Variants in NOM1 observed in about 807,000 individuals in gnomAD.
NOM1 encodes the protein nucleolar MIF4G domain-containing protein 1.
In NOM1, 58 loss-of-function variants were observed where a neutral mutation model predicts 73.3. The ratio of observed to expected loss-of-function variants is 0.79; its 90% CI spans 0.64 to 0.99. The LOEUF (loss-of-function observed/expected upper bound fraction) is 0.99, where lower values mean the gene tolerates loss of function less well. Ranked by LOEUF, NOM1 falls within the 50% of genes least tolerant of loss-of-function variation. The probability of loss-of-function intolerance (pLI) is 0.00; values close to 1 mark genes in which losing one functional copy is unlikely to be tolerated. For synonymous variants in NOM1, 487 were observed against 446.8 expected, an observed-to-expected ratio of 1.09 and a Z score of -1.14; for missense variants, 1,226 against 1,131.9, an observed-to-expected ratio of 1.08 and a Z score of -1.19.
intron 2 of NOM1, among the ~76,000 whole-genome samples, chr7:156,952,923 C>T (rs1804629823): frequency 6.6e-6 from 1 of 152,238 alleles, no homozygotes; most frequent in African/African-American, 2.4e-5. Flanking sequence ...CCCCTCTCTG[C>T]AGAAACACAT....
At chr7:156,967,814 C>G (rs977534140) in intron 9 of NOM1, among the ~76,000 whole-genome samples, 1 of 152,056 alleles carries the variant, frequency 6.6e-6, no homozygotes, top group African/African-American at 2.4e-5. Flanking sequence ...TGAGCCAGTG[C>G]GCCCAGCTGA....
intron 9 of NOM1, among the ~76,000 whole-genome samples, chr7:156,967,930 C>T (rs146637363): frequency 6.6e-6 from 1 of 151,982 alleles, no homozygotes; most frequent in African/African-American, 2.4e-5. Flanking sequence ...ACTGGAGCGC[C>T]TGGGGGGCAA....
In NOM1 at chr7:156,960,130, A is replaced by T; in HGVS notation, c.1588A>T (p.Thr530Ser). Reference sequence around the variant, plus strand: ...TAAGGAATTGATCACTGAAGCCCAGACCAAAGCCAGCGGGGCAGGCAGCGA... The same window carrying T: ...TAAGGAATTGATCACTGAAGCCCAGTCCAAAGCCAGCGGGGCAGGCAGCGA... ...SLKELITEAQ[T>S]KASGAGSEFQ... The change falls in exon 4 of 11, where the codon ACC becomes TCC. Residue 530 changes from threonine (T) to serine (S), a missense_variant. Thr to Ser is a moderately conservative substitution (Grantham distance 58, BLOSUM62 1). Transcript: ENST00000275820. 6.2e-7 allele frequency: 1 copy of T among 1,613,850 alleles called. No homozygotes were observed. Among genetic ancestry groups the T allele is most frequent in the Non-Finnish European group, 8.5e-7 (1 of 1,179,970 alleles).
intron 2 of NOM1, among the ~76,000 whole-genome samples, chr7:156,953,695 C>G (rs1804650640): frequency 6.6e-6 from 1 of 152,200 alleles, no homozygotes; most frequent in Admixed American, 6.6e-5. Context: ...GCAGCCTTTT[C>G]TAGTGTTAGG....
At chr7:156,961,870 C>T (rs1007540886) in intron 4 of NOM1, among the ~76,000 whole-genome samples, 6 of 151,962 alleles carry the variant, frequency 3.9e-5, no homozygotes, top group African/African-American at 1.2e-4. Context: ...GTGGACGGTG[C>T]GGAAGGGTGA....
At chr7:156,951,843 A>G (rs140386731) in intron 1 of NOM1, among the ~76,000 whole-genome samples, 196 of 151,892 alleles carry the variant, frequency 1.3e-3, no homozygotes, top group African/African-American at 4.5e-3. Flanking sequence ...AGTAGCTGGG[A>G]CTACAGGCGC....
chr7:156,953,609 G>GTATTAGCACAGGTTCACAGTGAGTAACCT (rs1340763567), intron 2 of NOM1, among the ~76,000 whole-genome samples: 1 of 151,908 alleles, frequency 6.6e-6, no homozygotes, highest in Non-Finnish European at 1.5e-5. Context: ...GTCGAGTTCA[G>GTATTAGCACAGGTTCACAGTGAGTAACCT]TATTAGCACA....
chr7:156,969,365 C>T (rs1805083352), intron 10 of NOM1, among the ~76,000 whole-genome samples, 164 bp from the exon 11 acceptor site: 1 of 152,106 alleles, frequency 6.6e-6, no homozygotes, highest in Non-Finnish European at 1.5e-5. Context: ...TGTCTGCTAG[C>T]AAACTAACAA....
Position 156,952,479 on chromosome 7 carries a change from T to C in NOM1, c.993T>C (p.Leu331=), listed in dbSNP as rs769839570. 5.6e-6 allele frequency: 9 copies of C among 1,610,514 alleles called. No individual in the cohort carries two copies. The highest frequency in any genetic ancestry group is 7.6e-6 in the Non-Finnish European group (9 of 1,179,092). ...TTATTTCTCTTTTCAAGCAGAGTCTTTGTGGAAGTGGTGAAAAGTACATCC... is the reference window on the plus strand; with the variant it reads ...TTATTTCTCTTTTCAAGCAGAGTCTCTGTGGAAGTGGTGAAAAGTACATCC... ...SEDGDITDKS[L]CGSGEKYIPP... is the part of the protein sequence containing the mutation. Residue 331 remains leucine, a synonymous_variant, in exon 2 of 11, where the codon CTT becomes CTC. Coordinates refer to ENST00000275820, the MANE Select transcript of NOM1 (RefSeq NM_138400.2).
chr7:156,963,282 G>A (rs1390221358), intron 6 of NOM1, 107 bp downstream of exon 6: 1 of 1,167,840 alleles, frequency 8.6e-7, no homozygotes. Flanking sequence ...AATGGTCACT[G>A]AAATGTACAA....
chr7:156,969,243 G>T, intron 10 of NOM1, 47 bp downstream of exon 10: 1 of 1,033,952 alleles, frequency 9.7e-7, no homozygotes, highest in South Asian at 1.3e-5. Flanking sequence ...GAAATGAAGA[G>T]ATTGTTTTCA....
intron 3 of NOM1, among the ~76,000 whole-genome samples, chr7:156,957,021 AT>A (rs56768431): frequency 0.25 from 38,618 of 152,092 alleles, 5,154 homozygotes; most frequent in East Asian, 0.47. Flanking sequence ...CACATCAGGA[AT>A]TTACTTGATT....
intron 7 of NOM1, chr7:156,966,015 CT>C: frequency 1.9e-6 from 1 of 513,692 alleles, no homozygotes; most frequent in South Asian, 2.8e-5. Context: ...CAGCTGTCGA[CT>C]TTTGCAGCGA....
intron 2 of NOM1, among the ~76,000 whole-genome samples, chr7:156,953,521 C>T (rs1413407848): frequency 1.3e-5 from 2 of 152,076 alleles, no homozygotes; most frequent in Admixed American, 1.3e-4. Context: ...CCCTCCATGG[C>T]CTCACCCACC....
At chr7:156,952,328 TA>T in intron 1 of NOM1, 145 bp from the exon 2 acceptor site, 1 of 818,350 alleles carries the variant, frequency 1.2e-6, no homozygotes, top group South Asian at 1.9e-5. Flanking sequence ...AAGCACTCAA[TA>T]AATCTGATGT....
At chr7:156,952,336 A>T (rs914450582) in intron 1 of NOM1, 138 bp from the exon 2 acceptor site, 2 of 851,658 alleles carry the variant, frequency 2.3e-6, no homozygotes, top group South Asian at 1.8e-5. Context: ...AATAAATCTG[A>T]TGTATTTAAG....
intron 9 of NOM1, 97 bp downstream of exon 9, chr7:156,967,189 T>C: frequency 7.1e-7 from 1 of 1,405,222 alleles, no homozygotes; most frequent in Non-Finnish European, 9.6e-7. Context: ...GCGTATTTTC[T>C]TCGATTCTGA....
rs1228764199 is a variant in NOM1, at chr7:156,972,222, A to G, written c.*2519A>G. On this transcript the variant is annotated 3_prime_UTR_variant, in exon 11 of 11. Coordinates refer to ENST00000275820, the MANE Select transcript of NOM1 (RefSeq NM_138400.2). The stretch of plus-strand genomic sequence containing the variant: ...CAAGAGGATCCCTGGCTGCCTGTGA[A>G]TGGCCCACATTTGAGTGGTGCTAAC... 6.6e-6 allele frequency: 1 copy of G among 152,218 alleles called. No homozygotes were observed. Among genetic ancestry groups the G allele is most frequent in the Non-Finnish European group, 1.5e-5 (1 of 68,040 alleles). 9.4% of individuals were successfully genotyped at this position (152,218 alleles called of 1,614,324 possible).
chr7:156,970,835 A>G lies in NOM1; in HGVS notation c.*1132A>G, dbSNP rs1317716036. 1 of 152,240 alleles carries G rather than the reference A, an allele frequency of 6.6e-6. No homozygotes were observed. The highest frequency in any genetic ancestry group is 6.5e-5 in the Admixed American group (1 of 15,286). 9.4% of individuals were successfully genotyped at this position (152,240 alleles called of 1,614,324 possible). A position where few individuals can be genotyped will look rare whatever the true frequency, so the allele number is the denominator to read the frequency against. On this transcript the variant is annotated 3_prime_UTR_variant, in exon 11 of 11. Coordinates refer to ENST00000275820, the MANE Select transcript of NOM1 (RefSeq NM_138400.2). Reference sequence around the variant, plus strand: ...GACAGGTGCTTTTCATCATTCATGTAACATTCTCACACAGTTGAGGATATT... The same window carrying G: ...GACAGGTGCTTTTCATCATTCATGTGACATTCTCACACAGTTGAGGATATT...
Sources: gnomAD v4.1 joint callset for allele counts (sites outside exome capture counted in the v4.1 genomes callset) on GRCh38, gnomAD v4.1.1 for gene constraint, MANE v1.5 for transcripts, NCBI Gene and HGNC (gene_info 2026-07-23, HGNC 2026-07-21) for gene names.